ITGA11: variants seen among roughly 807,000 people sequenced by gnomAD.
ITGA11 encodes the protein integrin subunit alpha 11.
Under a neutral mutation model 141.9 loss-of-function variants are expected in ITGA11, and 97 were observed. The observed-to-expected ratio is 0.68, with a 90% CI of 0.58 to 0.81. ITGA11 has a LOEUF of 0.81. Ranked by LOEUF, ITGA11 falls within the 30% of genes least tolerant of loss-of-function variation. ITGA11 has a pLI of 0.00. For synonymous variants in ITGA11, 658 were observed against 624.6 expected (o/e 1.05, Z -0.80); for missense variants, 1,387 against 1,559.2 (o/e 0.89, Z 1.86).
At chr15:68,402,062 G>C (rs1194819103) in intron 2 of ITGA11, among the ~76,000 whole-genome samples, 1 of 151,260 alleles carries the variant, frequency 6.6e-6, no homozygotes, top group African/African-American at 2.4e-5. Context: ...GCACAAGAAG[G>C]GGGAGAGGTT....
intron 2 of ITGA11, among the ~76,000 whole-genome samples, chr15:68,385,152 A>C (rs1226468642): frequency 6.6e-6 from 1 of 152,258 alleles, no homozygotes; most frequent in East Asian, 1.9e-4. Context: ...TGTGATCCAG[A>C]AAGTGGATGT....
chr15:68,421,834 A>G (rs1479627816), intron 1 of ITGA11, among the ~76,000 whole-genome samples: 1 of 152,186 alleles, frequency 6.6e-6, no homozygotes, highest in Admixed American at 6.5e-5. Context: ...AAATTTTTTT[A>G]GAAGAGAGTT....
intron 22 of ITGA11, among the ~76,000 whole-genome samples, 168 bp downstream of exon 22, chr15:68,315,483 C>T (rs142425034): frequency 5.9e-5 from 9 of 152,308 alleles, no homozygotes; most frequent in East Asian, 1.9e-4. Flanking sequence ...ACACCTGCAA[C>T]GGATGCCGGC....
intron 21 of ITGA11, among the ~76,000 whole-genome samples, chr15:68,316,535 G>C (rs7170808): frequency 0.21 from 32,222 of 152,160 alleles, 4,591 homozygotes; most frequent in East Asian, 0.52. Context: ...GGGTTTGTCG[G>C]TGCCTCAACC....
chr15:68,372,527 C>T (rs144459986), intron 2 of ITGA11, among the ~76,000 whole-genome samples: 2 of 152,350 alleles, frequency 1.3e-5, no homozygotes, highest in East Asian at 3.9e-4. Context: ...ATTCTTCCTG[C>T]GGAGGCGCAG....
At chr15:68,336,865 A>G (rs1049815213) in intron 11 of ITGA11, among the ~76,000 whole-genome samples, 5 of 152,138 alleles carry the variant, frequency 3.3e-5, no homozygotes, top group Admixed American at 6.5e-5. Context: ...TAGAGTGGCT[A>G]TAGGGTGTAC....
At chr15:68,378,426 A>T (rs113178882) in intron 2 of ITGA11, among the ~76,000 whole-genome samples, 1 of 152,116 alleles carries the variant, frequency 6.6e-6, no homozygotes, top group East Asian at 1.9e-4. Flanking sequence ...AGGAGCATCA[A>T]TTGAGACCAG....
In ITGA11 at chr15:68,298,377, G is replaced by A. The variant is rs1030583020; in HGVS notation, c.*4682C>T. 1.3e-5 allele frequency: 2 copies of A among 152,102 alleles called. No individual in the cohort carries two copies. Among genetic ancestry groups the A allele is most frequent in the African/African-American group, 4.8e-5 (2 of 41,380 alleles). The allele number at this position is 152,102 out of a possible 1,614,324, so 9.4% of individuals were successfully genotyped here. ...TGTTGGCGCTTATTGAACACCTACTGTATTTCAGGCACTGCACCACAGATA... is the reference window on the plus strand; with the variant it reads ...TGTTGGCGCTTATTGAACACCTACTATATTTCAGGCACTGCACCACAGATA... On this transcript the variant is annotated 3_prime_UTR_variant, in exon 30 of 30. Coordinates refer to ENST00000315757, the MANE Select transcript of ITGA11 (RefSeq NM_001004439.2).
chr15:68,309,022 G>T (rs1179404449), intron 26 of ITGA11, among the ~76,000 whole-genome samples: 1 of 152,238 alleles, frequency 6.6e-6, no homozygotes, highest in Non-Finnish European at 1.5e-5. Flanking sequence ...CAGATCAGCT[G>T]CAGAAAAGAG....
intron 7 of ITGA11, among the ~76,000 whole-genome samples, chr15:68,355,346 G>A (rs1455707829): frequency 1.3e-5 from 2 of 152,216 alleles, no homozygotes; most frequent in African/African-American, 4.8e-5. Flanking sequence ...ACAGAAACAC[G>A]CTAGTTGAGC....
intron 2 of ITGA11, among the ~76,000 whole-genome samples, chr15:68,390,802 T>C (rs370594848): frequency 2.0e-5 from 3 of 152,202 alleles, no homozygotes; most frequent in East Asian, 1.9e-4. Context: ...ATTTTACACA[T>C]GGGCAAATAG....
intron 22 of ITGA11, 78 bp from the exon 23 acceptor site, chr15:68,313,946 T>C (rs996890660): frequency 8.0e-6 from 9 of 1,129,952 alleles, no homozygotes; most frequent in Non-Finnish European, 1.2e-5. Flanking sequence ...AGGCAGACTG[T>C]GGAAGGAGCA....
At chr15:68,387,345 A>T (rs552517154) in intron 2 of ITGA11, among the ~76,000 whole-genome samples, 1 of 152,228 alleles carries the variant, frequency 6.6e-6, no homozygotes, top group South Asian at 2.1e-4. Context: ...CCAGCTTAAG[A>T]CACTGGGAAT....
rs940378728 is a variant in ITGA11, at chr15:68,303,345, C to T, written c.3496-215G>A. ...TGCATGCAAGAAGTCATACTAGTGCCCATCTTGCTGTGTGACCAGCCCCAG... is the reference window on the plus strand; with the variant it reads ...TGCATGCAAGAAGTCATACTAGTGCTCATCTTGCTGTGTGACCAGCCCCAG... On this transcript the variant is annotated intron_variant, in intron 29 of 29. Transcript: ENST00000315757. This position sits in a 1 kb window ranked among gnomAD's most constrained non-coding sequence, Gnocchi z 5.3. Among the ~76,000 whole-genome samples, 1 of 152,170 alleles carries T rather than the reference C, an allele frequency of 6.6e-6. No homozygotes were observed. Among genetic ancestry groups the T allele is most frequent in the Admixed American group, 6.5e-5 (1 of 15,284 alleles).
intron 24 of ITGA11, 113 bp downstream of exon 24, chr15:68,312,660 C>T: frequency 2.7e-6 from 2 of 734,318 alleles, no homozygotes; most frequent in Non-Finnish European, 2.3e-6. Context: ...GGGTGGGTGG[C>T]AGGGTTGAGG....
intron 2 of ITGA11, among the ~76,000 whole-genome samples, chr15:68,397,909 C>T (rs1276536636): frequency 6.7e-6 from 1 of 148,798 alleles, no homozygotes; most frequent in Non-Finnish European, 1.5e-5. Context: ...AACTAAGCTT[C>T]ATAAGCGAAG....
At chr15:68,341,548 G>A (rs1237375095) in intron 10 of ITGA11, among the ~76,000 whole-genome samples, 1 of 152,240 alleles carries the variant, frequency 6.6e-6, no homozygotes, top group East Asian at 1.9e-4. Flanking sequence ...GTAGGGCAGA[G>A]AAGAAAACAT....
intron 1 of ITGA11, among the ~76,000 whole-genome samples, chr15:68,426,803 T>C (rs1331078200): frequency 1.3e-5 from 2 of 151,622 alleles, no homozygotes; most frequent in African/African-American, 2.4e-5. Context: ...TCACCTGAGG[T>C]TGGGAGTTCA....
intron 12 of ITGA11, 30 bp from the exon 13 acceptor site, chr15:68,332,508 G>A (rs1385377847): frequency 2.9e-5 from 46 of 1,605,832 alleles, no homozygotes; most frequent in Non-Finnish European, 3.7e-5. Context: ...AGAGGAGTGG[G>A]CTGGCTGCCC....
Sources: gnomAD v4.1 joint callset for allele counts (sites outside exome capture counted in the v4.1 genomes callset) on GRCh38, gnomAD v4.1.1 for gene constraint, Gnocchi (gnomAD v3.1) non-coding constraint, MANE v1.5 for transcripts, NCBI Gene and HGNC (gene_info 2026-07-23, HGNC 2026-07-21) for gene names.